Variants in ST6GALNAC5 observed in about 807,000 individuals in gnomAD.
ST6GALNAC5 encodes ST6 N-acetylgalactosaminide alpha-2,6-sialyltransferase 5, also known as alpha-N-acetylgalactosaminide alpha-2,6-sialyltransferase 5.
Under a neutral mutation model 33.6 loss-of-function variants are expected in ST6GALNAC5, and 27 were observed. That is an observed-to-expected ratio of 0.80 (90% CI 0.59 to 1.11). The LOEUF (loss-of-function observed/expected upper bound fraction) is 1.11. ST6GALNAC5 is among the 50% of genes least tolerant of loss of function. ST6GALNAC5 has a pLI of 0.00. For missense variants in ST6GALNAC5, 428 were observed against 454.0 expected, an observed-to-expected ratio of 0.94 and a Z score of 0.52; for synonymous variants, 194 against 171.2, an observed-to-expected ratio of 1.13 and a Z score of -1.04.
rs1267888914 is a variant in ST6GALNAC5, at chr1:77,044,415, A to G, written c.473A>G (p.Asp158Gly). 9.9e-6 allele frequency: 16 copies of G among 1,613,348 alleles called. No individual in the cohort carries two copies. The highest frequency in any genetic ancestry group is 1.4e-5 in the Non-Finnish European group (16 of 1,179,754). The part of the protein sequence containing the change: ...SIQRILRNRH[D>G]LLNVSQGTVF... Reference sequence around the variant, plus strand: ...CAGAGGATCCTCCGCAACCGCCATGACCTGCTCAACGTGAGCCAGGGCACC... The same window carrying G: ...CAGAGGATCCTCCGCAACCGCCATGGCCTGCTCAACGTGAGCCAGGGCACC... The change falls in exon 3 of 5, where the codon GAC becomes GGC. Residue 158 changes from aspartate (D) to glycine (G), a missense_variant. Coordinates refer to ENST00000477717, the MANE Select transcript of ST6GALNAC5 (RefSeq NM_030965.3).
chr1:76,874,190 G>T (rs910723312), intron 2 of ST6GALNAC5, among the ~76,000 whole-genome samples: 2 of 152,092 alleles, frequency 1.3e-5, no homozygotes, highest in Admixed American at 1.3e-4. Flanking sequence ...TGTGTGCAGG[G>T]TATCCAATGA....
At chr1:77,001,884 C>G (rs965528922) in intron 2 of ST6GALNAC5, among the ~76,000 whole-genome samples, 3 of 151,688 alleles carry the variant, frequency 2.0e-5, no homozygotes, top group Non-Finnish European at 4.4e-5. Flanking sequence ...CTGCTGGATT[C>G]GTTTTGCCAG....
At chr1:77,059,400 C>T (rs750420777) in intron 4 of ST6GALNAC5, among the ~76,000 whole-genome samples, 27 of 152,262 alleles carry the variant, frequency 1.8e-4, no homozygotes, top group African/African-American at 3.4e-4. Context: ...GGACTAGTCA[C>T]GTATTTCATA....
At chr1:77,033,338 A>G (rs1463709886) in intron 2 of ST6GALNAC5, among the ~76,000 whole-genome samples, 1 of 152,126 alleles carries the variant, frequency 6.6e-6, no homozygotes, top group Admixed American at 6.5e-5. Flanking sequence ...GCCTCATGGC[A>G]CTCCTGTTTT....
At position 76,868,964 on chromosome 1, in the gene ST6GALNAC5, A is replaced by T; in HGVS notation, c.261+222A>T. The T allele has an allele frequency of 1.5e-6, 1 of 665,258 alleles. No individual in the cohort carries two copies. The highest frequency in any genetic ancestry group is 4.4e-4 in the Middle Eastern group (1 of 2,296). 41.2% of individuals were successfully genotyped at this position (665,258 alleles called of 1,614,324 possible). On this transcript the variant is annotated intron_variant, in intron 2 of 4. Coordinates refer to ENST00000477717, the MANE Select transcript of ST6GALNAC5 (RefSeq NM_030965.3). This position sits in a 1 kb window ranked among gnomAD's most constrained non-coding sequence, Gnocchi z 4.3. Reference sequence around the variant, plus strand: ...TAGAAAATAGGGGTGAGGTGCGTGGACCCCAAAGCCTAATTTCCCAGCAGA... The same window carrying T: ...TAGAAAATAGGGGTGAGGTGCGTGGTCCCCAAAGCCTAATTTCCCAGCAGA...
rs151247461 is a variant in ST6GALNAC5, at chr1:76,924,891, G to A, written c.261+56149G>A. Among the ~76,000 whole-genome samples the A allele has an allele frequency of 1.0e-3, 156 of 152,260 alleles. 1 individual carries two copies. Among genetic ancestry groups the A allele is most frequent in the African/African-American group, 3.7e-3 (155 of 41,550 alleles). ...AGTAAGTAATTCTGGATGGCCTGGT[G>A]TGTTAGTCTGTTTTTGTAATACTAT... is the stretch of plus-strand genomic sequence containing the variant. On this transcript the variant is annotated intron_variant, in intron 2 of 4. Coordinates refer to ENST00000477717, the MANE Select transcript of ST6GALNAC5 (RefSeq NM_030965.3).
intron 2 of ST6GALNAC5, among the ~76,000 whole-genome samples, chr1:76,942,665 C>G (rs1647378813): frequency 1.3e-5 from 2 of 152,116 alleles, no homozygotes; most frequent in African/African-American, 2.4e-5. Flanking sequence ...TCTTCAGGAT[C>G]TAACTGAGTT....
At chr1:76,926,327 A>G (rs771385287) in intron 2 of ST6GALNAC5, among the ~76,000 whole-genome samples, 1 of 152,114 alleles carries the variant, frequency 6.6e-6, no homozygotes, top group Non-Finnish European at 1.5e-5. Context: ...AAACTCAACT[A>G]TCACCCAGCG....
intron 3 of ST6GALNAC5, among the ~76,000 whole-genome samples, chr1:77,048,569 T>C (rs969932507): frequency 2.0e-5 from 3 of 152,186 alleles, no homozygotes; most frequent in Non-Finnish European, 4.4e-5. Context: ...GGAAAATCAT[T>C]AATACCTATG....
chr1:76,947,990 C>A (rs577801559), intron 2 of ST6GALNAC5, among the ~76,000 whole-genome samples: 8 of 152,064 alleles, frequency 5.3e-5, no homozygotes, highest in Admixed American at 2.0e-4. Flanking sequence ...TCAGAAAAGT[C>A]AGGATACAGT....
intron 2 of ST6GALNAC5, among the ~76,000 whole-genome samples, chr1:76,914,843 G>A (rs1471761196): frequency 3.3e-5 from 5 of 152,172 alleles, no homozygotes; most frequent in Non-Finnish European, 7.3e-5. Context: ...TGACAAATGG[G>A]ATCTAATTAA....
chr1:76,950,620 G>A (rs1290891288), intron 2 of ST6GALNAC5, among the ~76,000 whole-genome samples: 1 of 152,082 alleles, frequency 6.6e-6, no homozygotes, highest in Non-Finnish European at 1.5e-5. Context: ...GGAGAGATGG[G>A]ACCGATGTCA....
intron 2 of ST6GALNAC5, among the ~76,000 whole-genome samples, chr1:77,005,918 T>A (rs1302323773): frequency 6.6e-6 from 1 of 152,250 alleles, no homozygotes; most frequent in East Asian, 1.9e-4. Flanking sequence ...TACTCCATGT[T>A]ATACACATTT....
At chr1:77,000,799 T>G (rs1045605374) in intron 2 of ST6GALNAC5, among the ~76,000 whole-genome samples, 2 of 152,014 alleles carry the variant, frequency 1.3e-5, no homozygotes, top group Non-Finnish European at 2.9e-5. Flanking sequence ...ATCAGATAGT[T>G]GTAGATATGC....
chr1:76,912,800 G>A (rs139889732), intron 2 of ST6GALNAC5, among the ~76,000 whole-genome samples: 2,843 of 151,842 alleles, frequency 0.019, 83 homozygotes, highest in African/African-American at 0.066. Flanking sequence ...CTTTTATTTT[G>A]AGCCTATGTG....
intron 2 of ST6GALNAC5, among the ~76,000 whole-genome samples, chr1:76,907,358 G>C (rs1646874069): frequency 1.3e-5 from 2 of 152,068 alleles, no homozygotes; most frequent in African/African-American, 4.8e-5. Context: ...ACCCAACCCT[G>C]CTTGGTGGCA....
chr1:77,032,794 C>T (rs191728643), intron 2 of ST6GALNAC5, among the ~76,000 whole-genome samples: 3 of 152,248 alleles, frequency 2.0e-5, no homozygotes, highest in Admixed American at 6.5e-5. Context: ...TCAGATTTTT[C>T]CCCCAATGTA....
intron 2 of ST6GALNAC5, among the ~76,000 whole-genome samples, chr1:76,922,048 G>T (rs1271962414): frequency 6.6e-6 from 1 of 152,138 alleles, no homozygotes; most frequent in African/African-American, 2.4e-5. Context: ...CATATGTATT[G>T]TAAAGGAAGA....
intron 2 of ST6GALNAC5, among the ~76,000 whole-genome samples, chr1:77,031,751 T>C (rs1221173194): frequency 6.6e-6 from 1 of 152,200 alleles, no homozygotes; most frequent in Non-Finnish European, 1.5e-5. Flanking sequence ...ATGCACTAAC[T>C]AATTTAGTTA....
Sources: allele counts gnomAD v4.1 joint callset (sites outside exome capture counted in the v4.1 genomes callset), GRCh38; gene constraint gnomAD v4.1.1; non-coding constraint Gnocchi (gnomAD v3.1); transcripts MANE v1.5; gene names NCBI Gene and HGNC (gene_info 2026-07-23, HGNC 2026-07-21).